TPO: variants seen among roughly 807,000 people sequenced by gnomAD.
TPO encodes thyroid microsomal antigen.
TPO carries 78 observed loss-of-function variants against 96.9 expected under a neutral mutation model. The ratio of observed to expected loss-of-function variants is 0.81; its 90% CI spans 0.67 to 0.97. TPO has a LOEUF of 0.97. TPO is among the 50% of genes least tolerant of loss of function. The pLI is 0.00. For synonymous variants in TPO, 547 were observed against 538.0 expected (o/e 1.02, Z -0.23); for missense variants, 1,252 against 1,274.8 (o/e 0.98, Z 0.27).
chr2:1,380,110 A>G (rs1661784156), intron 1 of TPO, among the ~76,000 whole-genome samples: 1 of 152,152 alleles, frequency 6.6e-6, no homozygotes, highest in Non-Finnish European at 1.5e-5. Context: ...AATCTAATTT[A>G]TTGGCCAGGT....
intron 15 of TPO, among the ~76,000 whole-genome samples, chr2:1,528,133 CCCGCA>C (rs1677062189): frequency 4.3e-5 from 6 of 138,858 alleles, no homozygotes; most frequent in East Asian, 2.5e-4. Flanking sequence ...TCCTCAAATC[CCCGCA>C]CTGTGTGCAA....
chr2:1,510,087 G>T (rs565868736), intron 14 of TPO, among the ~76,000 whole-genome samples: 1 of 152,294 alleles, frequency 6.6e-6, no homozygotes, highest in East Asian at 1.9e-4. Flanking sequence ...TTCTCCATAT[G>T]AAATAGTATC....
intron 3 of TPO, among the ~76,000 whole-genome samples, chr2:1,430,810 C>T (rs1250592474): frequency 1.3e-5 from 2 of 149,628 alleles, no homozygotes; most frequent in Non-Finnish European, 3.0e-5. Context: ...TCAAGCCTTC[C>T]TGTTGGCTGA....
At chr2:1,497,407 G>A (rs919066502) in intron 13 of TPO, among the ~76,000 whole-genome samples, 4 of 152,206 alleles carry the variant, frequency 2.6e-5, no homozygotes, top group Non-Finnish European at 4.4e-5. Context: ...CCTCCCGGGG[G>A]GAGAGCCGTG....
chr2:1,518,067 C>A (rs1336963251), intron 15 of TPO, among the ~76,000 whole-genome samples: 3 of 152,182 alleles, frequency 2.0e-5, no homozygotes, highest in African/African-American at 7.2e-5. Context: ...GAGCCCCCAG[C>A]ACCACCCCAT....
intron 1 of TPO, among the ~76,000 whole-genome samples, chr2:1,392,316 G>T (rs962398566): frequency 6.6e-6 from 1 of 152,130 alleles, no homozygotes; most frequent in African/African-American, 2.4e-5. Flanking sequence ...TCATTGATTT[G>T]CATATGTTGA....
intron 2 of TPO, among the ~76,000 whole-genome samples, chr2:1,422,358 C>CGCCTCTCCTGGACAGACTTTGTGCAGGT (rs1558264430): frequency 1.9e-5 from 2 of 106,044 alleles, no homozygotes; most frequent in Admixed American, 1.8e-4. Flanking sequence ...CTCGTGCAGG[C>CGCCTCTCCTGGACAGACTTTGTGCAGGT]GCCGCGCTGG....
chr2:1,420,408 T>C (rs1385753094), intron 2 of TPO, among the ~76,000 whole-genome samples: 2 of 152,188 alleles, frequency 1.3e-5, no homozygotes, highest in Non-Finnish European at 2.9e-5. Flanking sequence ...CTGAAGAGAC[T>C]CTCAGTGATA....
At chr2:1,512,413 C>A in intron 14 of TPO, 1 of 985,478 alleles carries the variant, frequency 1.0e-6, no homozygotes, top group African/African-American at 1.7e-5. Context: ...CCAAGGGCGT[C>A]CGAGAGAGCC....
At chr2:1,528,389 T>C (rs1387595148) in intron 15 of TPO, among the ~76,000 whole-genome samples, 3 of 90,228 alleles carry the variant, frequency 3.3e-5, no homozygotes, top group African/African-American at 1.4e-4. Flanking sequence ...ATCCCGCCAC[T>C]GTGTGCAACC....
chr2:1,513,974 C>T (rs919699306), intron 14 of TPO, among the ~76,000 whole-genome samples: 3 of 152,192 alleles, frequency 2.0e-5, no homozygotes, highest in Non-Finnish European at 4.4e-5. Flanking sequence ...GTTACCCATA[C>T]ATAGACATAG....
intron 11 of TPO, 25 bp from the exon 12 acceptor site, chr2:1,495,964 T>C (rs772775513): frequency 1.1e-5 from 17 of 1,607,728 alleles, no homozygotes; most frequent in Non-Finnish European, 1.4e-5. Context: ...CACTGTGACC[T>C]TACTCACTGT....
At chr2:1,539,666 G>A (rs1573677200) in intron 15 of TPO, among the ~76,000 whole-genome samples, 1 of 152,264 alleles carries the variant, frequency 6.6e-6, no homozygotes, top group Non-Finnish European at 1.5e-5. Context: ...GGAGGACCTC[G>A]GGAGTTGTTT....
chr2:1,501,202 A>G (rs1672839210), intron 13 of TPO, among the ~76,000 whole-genome samples: 1 of 150,912 alleles, frequency 6.6e-6, no homozygotes, highest in Non-Finnish European at 1.5e-5. Flanking sequence ...CTGTGCACTC[A>G]CTGCATGTGG....
intron 15 of TPO, among the ~76,000 whole-genome samples, chr2:1,530,446 C>T (rs1677830885): frequency 6.7e-6 from 1 of 149,710 alleles, no homozygotes; most frequent in Non-Finnish European, 1.5e-5. Flanking sequence ...TGTGTGCAAC[C>T]TCCCGAAATC....
intron 13 of TPO, 79 bp downstream of exon 13, chr2:1,496,844 T>C: frequency 6.2e-7 from 1 of 1,604,604 alleles, no homozygotes; most frequent in African/African-American, 1.3e-5. Context: ...TCATTGAAAA[T>C]TTCTTCGCCA....
At chr2:1,472,004 G>A (rs556889544) in intron 7 of TPO, among the ~76,000 whole-genome samples, 14 of 151,648 alleles carry the variant, frequency 9.2e-5, no homozygotes, top group Admixed American at 5.9e-4. Context: ...CCCATGATCT[G>A]AATGTTCATA....
intron 5 of TPO, chr2:1,438,964 C>T: frequency 4.4e-6 from 3 of 677,346 alleles, no homozygotes; most frequent in Non-Finnish European, 8.1e-6. Context: ...AAAGCCTGCC[C>T]CTGGGTCCTG....
chr2:1,531,003 T>A (rs1678027301), intron 15 of TPO, among the ~76,000 whole-genome samples: 1 of 93,292 alleles, frequency 1.1e-5, no homozygotes, highest in South Asian at 4.1e-4. Flanking sequence ...ATCCCTCCAC[T>A]CTGTGCAACC....
Sources: gnomAD v4.1 joint callset for allele counts (sites outside exome capture counted in the v4.1 genomes callset) on GRCh38, gnomAD v4.1.1 for gene constraint, MANE v1.5 for transcripts, NCBI Gene and HGNC (gene_info 2026-07-23, HGNC 2026-07-21) for gene names.